The following PPP3CA variants were observed in gnomAD, a reference collection of about 807,000 sequenced individuals.
PPP3CA encodes CAM-PRP catalytic subunit.
Under a neutral mutation model 66.5 loss-of-function variants are expected in PPP3CA, and 14 were observed. That is an observed-to-expected ratio of 0.21 (90% CI 0.14 to 0.33). The LOEUF (loss-of-function observed/expected upper bound fraction) is 0.33, where lower values mean the gene tolerates loss of function less well. Ranked by LOEUF, PPP3CA falls within the 10% of genes least tolerant of loss-of-function variation. The probability of loss-of-function intolerance (pLI) is 1.00; values close to 1 mark genes in which losing one functional copy is unlikely to be tolerated. For synonymous variants in PPP3CA, 232 were observed against 226.2 expected (o/e 1.03, Z -0.23); for missense variants, 317 against 639.5 (o/e 0.50, Z 5.44).
At chr4:101,131,868 G>A (rs1449384318) in intron 2 of PPP3CA, among the ~76,000 whole-genome samples, 1 of 152,126 alleles carries the variant, frequency 6.6e-6, no homozygotes, top group Non-Finnish European at 1.5e-5. Context: ...ACACTTCTCA[G>A]CAAATGTAAA....
At chr4:101,264,523 T>G (rs1456186415) in intron 1 of PPP3CA, among the ~76,000 whole-genome samples, 1 of 152,212 alleles carries the variant, frequency 6.6e-6, no homozygotes, top group Non-Finnish European at 1.5e-5. Context: ...GAAAACATTC[T>G]TCATGAATCA....
chr4:101,149,256 G>A (rs961601777), intron 2 of PPP3CA, among the ~76,000 whole-genome samples: 2 of 152,052 alleles, frequency 1.3e-5, no homozygotes, highest in African/African-American at 4.8e-5. Flanking sequence ...GAAGCTACAA[G>A]TTAAACAAAT....
chr4:101,092,085 A>G (rs1729978465), intron 6 of PPP3CA, among the ~76,000 whole-genome samples: 1 of 152,080 alleles, frequency 6.6e-6, no homozygotes, highest in Non-Finnish European at 1.5e-5. Context: ...GAGGTCATGC[A>G]GAAACCTAAT....
At chr4:101,274,915 A>AG (rs1727441813) in intron 1 of PPP3CA, among the ~76,000 whole-genome samples, 1 of 152,236 alleles carries the variant, frequency 6.6e-6, no homozygotes, top group Non-Finnish European at 1.5e-5. Flanking sequence ...TTCATATGAG[A>AG]TAAATTGTGT....
chr4:101,290,065 T>C (rs2850355), intron 1 of PPP3CA, among the ~76,000 whole-genome samples: 40,391 of 152,038 alleles, frequency 0.27, 6,844 homozygotes, highest in East Asian at 0.48. Flanking sequence ...ACCAACATTG[T>C]ACCTAGCAAG....
chr4:101,121,161 A>G (rs1428379732), intron 2 of PPP3CA, among the ~76,000 whole-genome samples: 1 of 152,082 alleles, frequency 6.6e-6, no homozygotes. Context: ...ATATACTAGA[A>G]TTGCTAAAAA....
intron 1 of PPP3CA, among the ~76,000 whole-genome samples, chr4:101,296,427 T>C (rs1220906699): frequency 6.6e-6 from 1 of 152,146 alleles, no homozygotes; most frequent in African/African-American, 2.4e-5. Flanking sequence ...TTCATTTTAC[T>C]GCTCCTTAAC....
At chr4:101,029,854 G>GA (rs2110203359) in intron 12 of PPP3CA, among the ~76,000 whole-genome samples, 1 of 150,974 alleles carries the variant, frequency 6.6e-6, no homozygotes, top group East Asian at 1.9e-4. Flanking sequence ...AGGAAAAAAG[G>GA]AAACGAATGA....
intron 1 of PPP3CA, among the ~76,000 whole-genome samples, chr4:101,234,201 C>T (rs1344907423): frequency 1.3e-5 from 2 of 151,814 alleles, no homozygotes; most frequent in Non-Finnish European, 2.9e-5. Flanking sequence ...ATACAATGAA[C>T]ATATATGTGT....
At chr4:101,115,866 T>C (rs1721822874) in intron 2 of PPP3CA, among the ~76,000 whole-genome samples, 1 of 151,948 alleles carries the variant, frequency 6.6e-6, no homozygotes, top group Non-Finnish European at 1.5e-5. Flanking sequence ...AATTTTATAA[T>C]ATCATATAAT....
At chr4:101,210,000 T>C (rs1041077963) in intron 1 of PPP3CA, among the ~76,000 whole-genome samples, 8 of 152,144 alleles carry the variant, frequency 5.3e-5, no homozygotes, top group Non-Finnish European at 5.9e-5. Context: ...ATAAAGGGTT[T>C]AGGAGATTGT....
chr4:101,106,390 A>T (rs576748212), intron 3 of PPP3CA, among the ~76,000 whole-genome samples: 1 of 5,552 alleles, frequency 1.8e-4, no homozygotes, highest in East Asian at 4.0e-3. Flanking sequence ...AGAAAGAAAG[A>T]AAGAAAGAAA....
chr4:101,091,538 G>A (rs1206985564), intron 6 of PPP3CA, among the ~76,000 whole-genome samples: 1 of 152,006 alleles, frequency 6.6e-6, no homozygotes, highest in Admixed American at 6.6e-5. Flanking sequence ...ACGCTTTATA[G>A]TGCACTAGAT....
chr4:101,299,105 CGTTTTTTT>C (rs1393755527), intron 1 of PPP3CA, among the ~76,000 whole-genome samples: 4 of 110,678 alleles, frequency 3.6e-5, no homozygotes, highest in East Asian at 2.7e-4. Flanking sequence ...TGCCATATAT[CGTTTTTTT>C]TTTTTTTTTT....
At chr4:101,032,435 G>T in intron 11 of PPP3CA, 71 bp from the exon 12 acceptor site, 1 of 1,305,390 alleles carries the variant, frequency 7.7e-7, no homozygotes. Context: ...TGACTGAAAG[G>T]AAAAAAAATG....
At chr4:101,286,070 G>C (rs907572965) in intron 1 of PPP3CA, among the ~76,000 whole-genome samples, 8 of 152,182 alleles carry the variant, frequency 5.3e-5, no homozygotes, top group Non-Finnish European at 7.3e-5. Context: ...TTTCACCTCA[G>C]ATCATCAGGC....
At chr4:101,065,698 A>G (rs1167953812) in intron 8 of PPP3CA, among the ~76,000 whole-genome samples, 1 of 152,084 alleles carries the variant, frequency 6.6e-6, no homozygotes, top group Admixed American at 6.6e-5. Flanking sequence ...ATAAATTATA[A>G]ATGTTTGAAT....
chr4:101,094,475 T>C (rs1730106539), intron 5 of PPP3CA, among the ~76,000 whole-genome samples: 1 of 152,194 alleles, frequency 6.6e-6, no homozygotes, highest in South Asian at 2.1e-4. Context: ...AAGTAGCCAC[T>C]TGCTATATGA....
intron 5 of PPP3CA, among the ~76,000 whole-genome samples, chr4:101,094,974 T>A (rs935400867): frequency 6.6e-6 from 1 of 152,064 alleles, no homozygotes; most frequent in Admixed American, 6.5e-5. Context: ...ACTAATCAAA[T>A]TGTCTATTTT....
Sources: allele counts gnomAD v4.1 joint callset (sites outside exome capture counted in the v4.1 genomes callset), GRCh38; gene constraint gnomAD v4.1.1; transcripts MANE v1.5; gene names NCBI Gene and HGNC (gene_info 2026-07-23, HGNC 2026-07-21).